The following CCDC7 variants were observed in gnomAD, a reference collection of about 807,000 sequenced individuals.
The protein encoded by CCDC7 is coiled-coil domain-containing protein 7.
CCDC7 carries 183 observed loss-of-function variants against 196.9 expected under a neutral mutation model. That is an observed-to-expected ratio of 0.93 (90% CI 0.82 to 1.05). CCDC7 has a LOEUF of 1.05. Among genes scored for constraint, CCDC7 ranks in the 50% least tolerant of loss-of-function variants. The pLI is 0.00. For synonymous variants in CCDC7, 525 were observed against 484.6 expected, an observed-to-expected ratio of 1.08 and a Z score of -1.10; for missense variants, 1,540 against 1,482.2, an observed-to-expected ratio of 1.04 and a Z score of -0.64.
chr10:32,697,262 G>A (rs530346113), intron 24 of CCDC7, among the ~76,000 whole-genome samples: 4 of 152,276 alleles, frequency 2.6e-5, no homozygotes, highest in South Asian at 4.1e-4. Context: ...TAGCATGAGC[G>A]ACCCAGAAGA....
intron 29 of CCDC7, among the ~76,000 whole-genome samples, chr10:32,791,161 A>T (rs1406885411): frequency 6.6e-6 from 1 of 152,062 alleles, no homozygotes; most frequent in African/African-American, 2.4e-5. Context: ...CTGCACAGAG[A>T]TCACACCACT....
chr10:32,828,485 G>GAAGAAGAAGAA (rs1491309680), intron 32 of CCDC7, among the ~76,000 whole-genome samples: 13 of 49,738 alleles, frequency 2.6e-4, no homozygotes, highest in Non-Finnish European at 2.6e-4. Flanking sequence ...AAGAGGAAGA[G>GAAGAAGAAGAA]GAAGAAGAAG....
rs573571914 is a variant in CCDC7 at position 32,571,698 on chromosome 10, C to T, written c.1420-161C>T. On this transcript the variant is annotated intron_variant, in intron 15 of 41. Coordinates refer to ENST00000639629, the Ensembl canonical transcript of CCDC7. ...GGCCTACTCTCCTTCTATAATGTCT[C>T]TTCCAATGCTAAAATATGATAATTT... Among the ~76,000 whole-genome samples the T allele has an allele frequency of 2.0e-5, 3 of 152,150 alleles. No homozygotes were observed. The South Asian group carries it at 6.2e-4, about 32-fold the overall frequency.
chr10:32,556,496 C>T (rs547700501), intron 13 of CCDC7, among the ~76,000 whole-genome samples: 10 of 151,992 alleles, frequency 6.6e-5, no homozygotes, highest in African/African-American at 1.2e-4. Flanking sequence ...TTATTTCTTT[C>T]GTCATCATTT....
intron 8 of CCDC7, among the ~76,000 whole-genome samples, chr10:32,483,806 C>A (rs11527634): frequency 2.0e-5 from 3 of 151,902 alleles, no homozygotes; most frequent in South Asian, 2.1e-4. Flanking sequence ...AGATGGTTTT[C>A]GATGTGTGGT....
chr10:32,443,409 C>T (rs191585197), upstream of CCDC7, among the ~76,000 whole-genome samples: 34 of 151,036 alleles, frequency 2.3e-4, no homozygotes, highest in East Asian at 4.6e-3. Context: ...GAAGCAGAAC[C>T]CTTCACATTA....
intron 29 of CCDC7, among the ~76,000 whole-genome samples, chr10:32,795,777 A>G (rs1398504873): frequency 6.6e-6 from 1 of 152,092 alleles, no homozygotes; most frequent in Non-Finnish European, 1.5e-5. Context: ...CACTAGGTGG[A>G]GCCTTAAACC....
chr10:32,866,878 G>T (rs2094217786), intron 41 of CCDC7, among the ~76,000 whole-genome samples: 2 of 151,512 alleles, frequency 1.3e-5, no homozygotes, highest in South Asian at 4.1e-4. Context: ...ACAATCTAAT[G>T]ATCAAAATTG....
chr10:32,752,474 C>A (rs1231719449), intron 28 of CCDC7, among the ~76,000 whole-genome samples: 1 of 152,146 alleles, frequency 6.6e-6, no homozygotes, highest in Non-Finnish European at 1.5e-5. Context: ...CATCTCTAGT[C>A]CCACGTATAG....
chr10:32,760,719 C>T (rs56081287), intron 28 of CCDC7, among the ~76,000 whole-genome samples: 15,844 of 151,164 alleles, frequency 0.1, 1,026 homozygotes, highest in South Asian at 0.25. Context: ...ACGTTGTGCA[C>T]ATGTACCCTA....
At chr10:32,630,853 C>T (rs1230515409) in intron 18 of CCDC7, among the ~76,000 whole-genome samples, 2 of 152,100 alleles carry the variant, frequency 1.3e-5, no homozygotes, top group Non-Finnish European at 2.9e-5. Context: ...TTTGAGTCTT[C>T]TTCCAGTCAG....
intron 18 of CCDC7, among the ~76,000 whole-genome samples, chr10:32,605,443 CGAA>C (rs1190885572): frequency 1.3e-5 from 2 of 151,942 alleles, no homozygotes; most frequent in African/African-American, 2.4e-5. Context: ...TGGAGGGCTC[CGAA>C]GAAGAACAAG....
intron 25 of CCDC7, among the ~76,000 whole-genome samples, chr10:32,717,154 A>G (rs1309685426): frequency 6.6e-6 from 1 of 152,206 alleles, no homozygotes; most frequent in East Asian, 1.9e-4. Context: ...TCCTCAGCAA[A>G]TGCAAAAGAA....
At chr10:32,565,806 T>G (rs1007088687) in intron 14 of CCDC7, among the ~76,000 whole-genome samples, 186 bp downstream of exon 15, 3 of 152,096 alleles carry the variant, frequency 2.0e-5, no homozygotes, top group Non-Finnish European at 4.4e-5. Flanking sequence ...TTCATTCTTA[T>G]CAAAAATAGC....
chr10:32,574,601 G>A, intron 16 of CCDC7: 3 of 684,364 alleles, frequency 4.4e-6, no homozygotes, highest in Non-Finnish European at 6.1e-6. Context: ...GAATGAGTTA[G>A]TGGTAAATAG....
At chr10:32,725,782 A>G (rs1191171555) in intron 25 of CCDC7, among the ~76,000 whole-genome samples, 3 of 151,972 alleles carry the variant, frequency 2.0e-5, no homozygotes, top group Non-Finnish European at 2.9e-5. Context: ...ACTCATTACC[A>G]TAGAGAGGGC....
chr10:32,683,206 G>A (rs1353066209), intron 21 of CCDC7, among the ~76,000 whole-genome samples: 1 of 152,126 alleles, frequency 6.6e-6, no homozygotes, highest in Admixed American at 6.5e-5. Context: ...TCAGTCTACT[G>A]CATGTGGCTA....
intron 18 of CCDC7, among the ~76,000 whole-genome samples, chr10:32,596,292 C>G (rs933669660): frequency 9.9e-5 from 15 of 152,114 alleles, no homozygotes; most frequent in African/African-American, 3.6e-4. Context: ...TATGTAACGG[C>G]CTTCTTTGTC....
chr10:32,501,012 G>T (rs188805502), intron 9 of CCDC7, among the ~76,000 whole-genome samples: 3 of 152,120 alleles, frequency 2.0e-5, no homozygotes, highest in African/African-American at 7.2e-5. Context: ...TCCAGCCTCC[G>T]CTCGGCATCA....
Sources: allele counts gnomAD v4.1 joint callset (sites outside exome capture counted in the v4.1 genomes callset), GRCh38; gene constraint gnomAD v4.1.1; transcripts MANE v1.5; gene names NCBI Gene and HGNC (gene_info 2026-07-23, HGNC 2026-07-21).